SNCAIP: variants seen among roughly 807,000 people sequenced by gnomAD.
SNCAIP encodes synphilin-1.
In SNCAIP, 43 loss-of-function variants were observed where a neutral mutation model predicts 86.7. That is an observed-to-expected ratio of 0.50 (90% CI 0.39 to 0.64). The LOEUF (loss-of-function observed/expected upper bound fraction) is 0.64. SNCAIP is among the 30% of genes least tolerant of loss of function. The probability of loss-of-function intolerance (pLI) is 0.00; values close to 1 mark genes in which losing one functional copy is unlikely to be tolerated. For missense variants in SNCAIP, 981 were observed against 1,103.1 expected (o/e 0.89, Z 1.57); for synonymous variants, 417 against 427.2 (o/e 0.98, Z 0.29).
chr5:122,434,562 A>G (rs1379045331), intron 6 of SNCAIP, among the ~76,000 whole-genome samples: 1 of 152,158 alleles, frequency 6.6e-6, no homozygotes, highest in Admixed American at 6.5e-5. Flanking sequence ...GCTTCATGCT[A>G]GTGTCAATAT....
At chr5:122,340,392 G>A (rs1757320357) in intron 1 of SNCAIP, among the ~76,000 whole-genome samples, 1 of 152,170 alleles carries the variant, frequency 6.6e-6, no homozygotes, top group South Asian at 2.1e-4. Flanking sequence ...CTTCATTTAT[G>A]CTAAGTTGCC....
At chr5:122,374,230 A>C (rs1015516446) in intron 1 of SNCAIP, among the ~76,000 whole-genome samples, 10 of 152,318 alleles carry the variant, frequency 6.6e-5, no homozygotes, top group African/African-American at 1.9e-4. Flanking sequence ...GGCCAAGTTC[A>C]GTATTTTATT....
At chr5:122,361,737 C>T (rs17368917) in intron 1 of SNCAIP, among the ~76,000 whole-genome samples, 1,592 of 152,044 alleles carry the variant, frequency 0.01, 10 homozygotes, top group Non-Finnish European at 0.017. Flanking sequence ...AGCATGTTTG[C>T]TCACGCCATC....
chr5:122,435,294 T>C (rs1779186917), intron 6 of SNCAIP, among the ~76,000 whole-genome samples: 2 of 152,162 alleles, frequency 1.3e-5, no homozygotes, highest in Admixed American at 1.3e-4. Context: ...TTGAGAAAGA[T>C]GTTGCTGGCA....
intron 10 of SNCAIP, among the ~76,000 whole-genome samples, chr5:122,456,294 C>T (rs767908868): frequency 6.6e-6 from 1 of 152,270 alleles, no homozygotes; most frequent in Middle Eastern, 3.4e-3. Context: ...GAGCTGGTAT[C>T]AAATATTTTG....
chr5:122,344,670 T>C (rs1758246676), intron 1 of SNCAIP, among the ~76,000 whole-genome samples: 1 of 152,176 alleles, frequency 6.6e-6, no homozygotes, highest in Non-Finnish European at 1.5e-5. Context: ...GTAAGGAGGG[T>C]TAAGCACAAT....
intron 1 of SNCAIP, among the ~76,000 whole-genome samples, chr5:122,364,514 C>T (rs1414889518): frequency 2.0e-5 from 3 of 152,280 alleles, no homozygotes; most frequent in African/African-American, 7.2e-5. Context: ...AGATGGAAGA[C>T]TTTAACTGGA....
Position 122,450,747 on chromosome 5 carries a change from A to G in SNCAIP, c.1900A>G (p.Thr634Ala), listed in dbSNP as rs1783545566. 6.2e-7 allele frequency: 1 copy of G among 1,614,122 alleles called. No individual in the cohort carries two copies. Among genetic ancestry groups the G allele is most frequent in the Non-Finnish European group, 8.5e-7 (1 of 1,179,970 alleles). Residue 634 changes from threonine (T) to alanine (A), a missense_variant, in exon 10 of 11, where the codon ACC (threonine) becomes GCC (alanine). Coordinates refer to ENST00000261368, the MANE Select transcript of SNCAIP (RefSeq NM_005460.4). ...AAAGGAAATCTCAGAAAATGTCTGCACCCAGGAAAAACTGTCCTTGGAATT... is the reference window on the plus strand; with the variant it reads ...AAAGGAAATCTCAGAAAATGTCTGCGCCCAGGAAAAACTGTCCTTGGAATT... ...LGKEISENVC[T>A]QEKLSLEFQD...
chr5:122,433,651 T>G (rs1329402461), intron 6 of SNCAIP, among the ~76,000 whole-genome samples: 2 of 152,222 alleles, frequency 1.3e-5, no homozygotes, highest in African/African-American at 4.8e-5. Flanking sequence ...AATATTATAC[T>G]TACTCTGTGT....
At chr5:122,407,825 CCTT>C (rs1773319813) in intron 3 of SNCAIP, among the ~76,000 whole-genome samples, 1 of 152,154 alleles carries the variant, frequency 6.6e-6, no homozygotes, top group Admixed American at 6.5e-5. Context: ...AGGTAATCCT[CCTT>C]ATCCCAACCA....
chr5:122,408,077 A>G (rs1225041996), intron 3 of SNCAIP, among the ~76,000 whole-genome samples: 2 of 152,114 alleles, frequency 1.3e-5, no homozygotes, highest in East Asian at 3.9e-4. Context: ...CCAGATGAAC[A>G]TTTCCTTCCT....
chr5:122,408,505 A>G (rs1773476796), intron 3 of SNCAIP, among the ~76,000 whole-genome samples: 2 of 152,156 alleles, frequency 1.3e-5, no homozygotes, highest in African/African-American at 4.8e-5. Context: ...ATGCCCACAA[A>G]TCCTCCTTAG....
Position 122,400,925 on chromosome 5 carries a change from GAT to G in SNCAIP, c.58-2866_58-2865del, listed in dbSNP as rs1771672284. On this transcript the variant is annotated intron_variant, in intron 2 of 10. Transcript: ENST00000261368. ...TTCTAGAAAAAGAATAAATTATAGA[GAT>G]AGAAAATGTAATGCTTCTTCATTAA... The G allele has an allele frequency of 2.1e-6, 3 of 1,447,968 alleles. No homozygotes were observed. The African/African-American group carries it at 4.3e-5, about 21-fold the overall frequency. The allele number at this position is 1,447,968 out of a possible 1,614,324, so 89.7% of individuals were successfully genotyped here. A position where few individuals can be genotyped will look rare whatever the true frequency, so the allele number is the denominator to read the frequency against.
intron 2 of SNCAIP, among the ~76,000 whole-genome samples, chr5:122,402,420 G>T (rs1772019132): frequency 6.6e-6 from 1 of 152,178 alleles, no homozygotes. Flanking sequence ...GTTTGCTAAA[G>T]CACCTGTAGT....
intron 8 of SNCAIP, among the ~76,000 whole-genome samples, chr5:122,449,156 C>G (rs998055919): frequency 1.3e-5 from 2 of 152,188 alleles, no homozygotes; most frequent in African/African-American, 4.8e-5. Context: ...CTAGCCTAGC[C>G]TACCTTAAGC....
chr5:122,328,989 G>A (rs569430137), intron 1 of SNCAIP, among the ~76,000 whole-genome samples: 1 of 152,118 alleles, frequency 6.6e-6, no homozygotes, highest in Non-Finnish European at 1.5e-5. Context: ...CGTTACTCAA[G>A]TTGGGGTAAA....
intron 10 of SNCAIP, among the ~76,000 whole-genome samples, chr5:122,453,692 C>T (rs1053351888): frequency 6.6e-6 from 1 of 152,144 alleles, no homozygotes; most frequent in African/African-American, 2.4e-5. Flanking sequence ...TGGGATGAAA[C>T]CAGTATGCCT....
At chr5:122,417,710 C>A (rs907455195) in intron 3 of SNCAIP, among the ~76,000 whole-genome samples, 2 of 151,962 alleles carry the variant, frequency 1.3e-5, no homozygotes, top group Non-Finnish European at 2.9e-5. Context: ...TGCCTTTCTA[C>A]CTTCCCCCTT....
intron 5 of SNCAIP, among the ~76,000 whole-genome samples, chr5:122,429,518 C>T (rs1433984616): frequency 1.3e-5 from 2 of 150,926 alleles, no homozygotes; most frequent in Non-Finnish European, 2.9e-5. Context: ...TGTTGCCTCA[C>T]ATTTCTGTGT....
Sources: gnomAD v4.1 joint callset for allele counts (sites outside exome capture counted in the v4.1 genomes callset) on GRCh38, gnomAD v4.1.1 for gene constraint, MANE v1.5 for transcripts, NCBI Gene and HGNC (gene_info 2026-07-23, HGNC 2026-07-21) for gene names.